VSNL1: variants seen among roughly 807,000 people sequenced by gnomAD.
VSNL1 encodes the protein visinin like 1.
A neutral mutation model predicts 20.4 loss-of-function variants in VSNL1; 6 were observed. That is an observed-to-expected ratio of 0.29 (90% CI 0.16 to 0.58). VSNL1 has a LOEUF of 0.58. Ranked by LOEUF, VSNL1 falls within the 20% of genes least tolerant of loss-of-function variation. VSNL1 has a pLI of 0.90. For missense variants in VSNL1, 100 were observed against 234.5 expected (o/e 0.43, Z 3.75); for synonymous variants, 93 against 86.4 (o/e 1.08, Z -0.42).
chr2:17,574,739 A>G (rs1269959431), intron 1 of VSNL1, among the ~76,000 whole-genome samples: 3 of 152,132 alleles, frequency 2.0e-5, no homozygotes, highest in Admixed American at 6.6e-5. Flanking sequence ...CACTTATGGA[A>G]GACTTCGTTA....
intron 1 of VSNL1, among the ~76,000 whole-genome samples, chr2:17,560,972 C>G (rs1358663758): frequency 6.6e-6 from 1 of 152,102 alleles, no homozygotes; most frequent in Admixed American, 6.6e-5. Context: ...AATCTGTTTT[C>G]AATAGATTTC....
At chr2:17,627,476 T>C (rs1227640962) in intron 2 of VSNL1, among the ~76,000 whole-genome samples, 2 of 152,212 alleles carry the variant, frequency 1.3e-5, no homozygotes, top group Non-Finnish European at 1.5e-5. Flanking sequence ...AGTTTTATTA[T>C]TACTCAAATC....
intron 2 of VSNL1, among the ~76,000 whole-genome samples, chr2:17,618,860 C>T (rs1332040551): frequency 1.3e-5 from 2 of 152,116 alleles, no homozygotes; most frequent in African/African-American, 4.8e-5. Flanking sequence ...GTAAGGAAGG[C>T]AGAGGAGGGA....
chr2:17,629,835 C>T (rs188488030), intron 2 of VSNL1, among the ~76,000 whole-genome samples: 26 of 152,364 alleles, frequency 1.7e-4, no homozygotes, highest in Middle Eastern at 3.4e-3. Flanking sequence ...AGCAATGAAA[C>T]AGCTCTCAGC....
intron 3 of VSNL1, among the ~76,000 whole-genome samples, chr2:17,653,108 C>T (rs1666155699): frequency 6.6e-6 from 1 of 152,188 alleles, no homozygotes; most frequent in South Asian, 2.1e-4. Flanking sequence ...GGGCTGGGGA[C>T]CACAGGGGCA....
Position 17,639,168 on chromosome 2 carries a change from C to T in VSNL1, c.163-10242C>T, listed in dbSNP as rs528177241. ...GAGGGAGGCCTTTAACTCCTCATAA[C>T]ATCTCATGTTGCAAAATGCATTGCT... On this transcript the variant is annotated intron_variant, in intron 2 of 3. Transcript: ENST00000295156. Among the ~76,000 whole-genome samples, 32 of 152,322 alleles carry T rather than the reference C, an allele frequency of 2.1e-4. No individual in the cohort carries two copies. In the East Asian group the frequency reaches 6.0e-3, roughly 28 times the overall value.
At chr2:17,644,828 C>A (rs1665959398) in intron 2 of VSNL1, among the ~76,000 whole-genome samples, 1 of 152,218 alleles carries the variant, frequency 6.6e-6, no homozygotes, top group Non-Finnish European at 1.5e-5. Context: ...CCAGAACAGG[C>A]TAGAAGCCAC....
chr2:17,577,127 A>G (rs1033015760), intron 1 of VSNL1, among the ~76,000 whole-genome samples: 2 of 152,240 alleles, frequency 1.3e-5, no homozygotes, highest in Non-Finnish European at 1.5e-5. Context: ...ATATATCTAA[A>G]CATGGAAAAT....
At chr2:17,622,531 GAAAAGAAAGAAAGAAA>G (rs1558303532) in intron 2 of VSNL1, among the ~76,000 whole-genome samples, 60 of 65,646 alleles carry the variant, frequency 9.1e-4, no homozygotes, top group African/African-American at 2.8e-3. Flanking sequence ...AAGAAAGAAA[GAAAAGAAAGAAAGAAA>G]GAAAGAAAGA....
intron 2 of VSNL1, among the ~76,000 whole-genome samples, chr2:17,610,819 A>T (rs1010633526): frequency 5.9e-5 from 9 of 152,178 alleles, no homozygotes; most frequent in Admixed American, 4.6e-4. Context: ...CTAGCCAGGC[A>T]AGGGCCACAG....
intron 1 of VSNL1, among the ~76,000 whole-genome samples, chr2:17,565,961 T>C (rs1207506045): frequency 6.6e-6 from 1 of 152,184 alleles, no homozygotes; most frequent in Non-Finnish European, 1.5e-5. Flanking sequence ...CCCGCCACCA[T>C]GTGAAGAAGG....
intron 2 of VSNL1, among the ~76,000 whole-genome samples, chr2:17,595,642 C>A (rs1438810331): frequency 1.3e-5 from 2 of 152,128 alleles, no homozygotes; most frequent in Non-Finnish European, 2.9e-5. Flanking sequence ...CAGAATGGGA[C>A]TGTATTTGCA....
At chr2:17,600,243 T>C (rs1403650035) in intron 2 of VSNL1, among the ~76,000 whole-genome samples, 1 of 152,194 alleles carries the variant, frequency 6.6e-6, no homozygotes, top group Non-Finnish European at 1.5e-5. Context: ...ACTCTGCCCC[T>C]CAGTTTTCTC....
chr2:17,583,933 C>A (rs1284367167), intron 1 of VSNL1, among the ~76,000 whole-genome samples: 1 of 152,202 alleles, frequency 6.6e-6, no homozygotes, highest in Non-Finnish European at 1.5e-5. Context: ...TGGCTGGGTC[C>A]TGTGATGAGG....
At chr2:17,648,122 T>C (rs755232423) in intron 2 of VSNL1, among the ~76,000 whole-genome samples, 59 of 152,362 alleles carry the variant, frequency 3.9e-4, no homozygotes, top group Non-Finnish European at 6.6e-4. Context: ...CAGATCATTG[T>C]GCCTAGCAAT....
intron 1 of VSNL1, among the ~76,000 whole-genome samples, chr2:17,550,104 G>A (rs964537506): frequency 2.6e-5 from 4 of 152,038 alleles, no homozygotes; most frequent in Admixed American, 2.6e-4. Flanking sequence ...CTGCATAATA[G>A]CATGTGACAA....
intron 2 of VSNL1, among the ~76,000 whole-genome samples, chr2:17,644,764 A>G (rs2217096): frequency 0.04 from 6,165 of 152,340 alleles, 164 homozygotes; most frequent in Middle Eastern, 0.078. Flanking sequence ...TCATGAAACA[A>G]TAACTACTGT....
intron 2 of VSNL1, among the ~76,000 whole-genome samples, chr2:17,613,624 G>A (rs1259016466): frequency 6.6e-6 from 1 of 152,170 alleles, no homozygotes; most frequent in Non-Finnish European, 1.5e-5. Flanking sequence ...TCTTTGTGCT[G>A]AGCCCTCTTC....
chr2:17,572,480 G>T (rs927706063), intron 1 of VSNL1, among the ~76,000 whole-genome samples: 1 of 152,030 alleles, frequency 6.6e-6, no homozygotes, highest in Non-Finnish European at 1.5e-5. Context: ...AGCAGCCCAG[G>T]ATACTTATGC....
Sources: gnomAD v4.1 joint callset for allele counts (sites outside exome capture counted in the v4.1 genomes callset) on GRCh38, gnomAD v4.1.1 for gene constraint, MANE v1.5 for transcripts, NCBI Gene and HGNC (gene_info 2026-07-23, HGNC 2026-07-21) for gene names.